PLOD2: variants seen among roughly 807,000 people sequenced by gnomAD.
The protein encoded by PLOD2 is lysine hydroxylase 2.
Under a neutral mutation model 101.0 loss-of-function variants are expected in PLOD2, and 65 were observed. That is an observed-to-expected ratio of 0.64 (90% confidence interval 0.53 to 0.79). The LOEUF (loss-of-function observed/expected upper bound fraction) is 0.79, where lower values mean the gene tolerates loss of function less well. Ranked by LOEUF, PLOD2 falls within the 30% of genes least tolerant of loss-of-function variation. The pLI is 0.00. For synonymous variants in PLOD2, 314 were observed against 302.9 expected (o/e 1.04, Z -0.38); for missense variants, 909 against 914.6 (o/e 0.99, Z 0.08).
intron 3 of PLOD2, among the ~76,000 whole-genome samples, chr3:146,112,315 G>C (rs1231229445): frequency 6.6e-6 from 1 of 152,138 alleles, no homozygotes; most frequent in Non-Finnish European, 1.5e-5. Context: ...ATACTATTCA[G>C]CCATAAAAAG....
chr3:146,135,202 G>C (rs2031163076), intron 1 of PLOD2, among the ~76,000 whole-genome samples: 1 of 152,076 alleles, frequency 6.6e-6, no homozygotes. Flanking sequence ...AAGTTTTATA[G>C]CATCAGTTTT....
intron 7 of PLOD2, among the ~76,000 whole-genome samples, chr3:146,099,983 C>T (rs188689121): frequency 6.0e-5 from 9 of 149,574 alleles, no homozygotes; most frequent in African/African-American, 2.2e-4. Flanking sequence ...CGGGTTGAAG[C>T]GATTCTCCTG....
chr3:146,106,775 G>C (rs1937541717), intron 4 of PLOD2, 131 bp from the exon 5 acceptor site: 3 of 701,886 alleles, frequency 4.3e-6, no homozygotes, highest in Non-Finnish European at 2.6e-6. Flanking sequence ...GAATTTCACA[G>C]CTCACCATGA....
chr3:146,128,286 C>T (rs73148972), intron 1 of PLOD2, among the ~76,000 whole-genome samples: 5,196 of 152,188 alleles, frequency 0.034, 126 homozygotes, highest in Non-Finnish European at 0.054. Flanking sequence ...AAAGCTATCT[C>T]ATTTTCTTCG....
intron 9 of PLOD2, among the ~76,000 whole-genome samples, chr3:146,087,754 C>A (rs1188571737): frequency 4.0e-5 from 6 of 151,742 alleles, no homozygotes; most frequent in African/African-American, 1.4e-4. Context: ...AAACAAAAGA[C>A]AATACATAAA....
chr3:146,142,298 T>A (rs1699851263), intron 1 of PLOD2, among the ~76,000 whole-genome samples: 3 of 152,122 alleles, frequency 2.0e-5, no homozygotes, highest in Non-Finnish European at 4.4e-5. Flanking sequence ...TTTTCTTTTT[T>A]AATAGAAATT....
In PLOD2 at chr3:146,088,731, TA is replaced by T. The variant is rs775156239; in HGVS notation, c.880-21del. 8 of 1,579,948 alleles carry T rather than the reference TA, an allele frequency of 5.1e-6. No homozygotes were observed. The highest frequency in any genetic ancestry group is 7.0e-6 in the Non-Finnish European group (8 of 1,150,712). ...ATGGACCTTTGTTTTACACCAAACA[TA>T]AAAATAAAATTATCATTAGTATGGT... is the stretch of plus-strand genomic sequence containing the variant. On this transcript the variant is annotated intron_variant, in intron 8 of 19. Coordinates refer to ENST00000282903, the MANE Select transcript of PLOD2 (RefSeq NM_182943.3).
At chr3:146,134,912 C>T (rs1383062010) in intron 1 of PLOD2, among the ~76,000 whole-genome samples, 1 of 152,020 alleles carries the variant, frequency 6.6e-6, no homozygotes, top group Non-Finnish European at 1.5e-5. Flanking sequence ...TACAAGTCTG[C>T]CGAAATTAAA....
intron 7 of PLOD2, among the ~76,000 whole-genome samples, chr3:146,099,005 A>G (rs1369180063): frequency 6.6e-6 from 1 of 152,150 alleles, no homozygotes; most frequent in Non-Finnish European, 1.5e-5. Context: ...ATGTTTACAT[A>G]TTCAAATTTT....
At chr3:146,155,329 A>AAATT (rs575679913) in intron 1 of PLOD2, among the ~76,000 whole-genome samples, 29,738 of 150,556 alleles carry the variant, frequency 0.2, 3,020 homozygotes, top group Admixed American at 0.21. Context: ...GTCTATAAAT[A>AAATT]AATTAATTAA....
At position 146,161,007 on chromosome 3, in the gene PLOD2, C is replaced by G. The variant is rs1392037481; in HGVS notation, c.-18G>C. The G allele has an allele frequency of 1.4e-5, 22 of 1,522,750 alleles. No individual in the cohort carries two copies. The highest frequency in any genetic ancestry group is 2.0e-5 in the Non-Finnish European group (22 of 1,119,446). The allele number at this position is 1,522,750 out of a possible 1,614,324, so 94.3% of individuals were successfully genotyped here. ...CCCCCCATATTCGGCCCTCGAGGGC[C>G]GCGCGGGCTCAGGCGCCCACGGCCC... On this transcript the variant is annotated 5_prime_UTR_variant, in exon 1 of 20. Coordinates refer to ENST00000282903, the MANE Select transcript of PLOD2 (RefSeq NM_182943.3).
intron 1 of PLOD2, among the ~76,000 whole-genome samples, chr3:146,160,337 C>T (rs1457294996): frequency 2.0e-5 from 3 of 152,170 alleles, no homozygotes. Context: ...AGAAAGCTGC[C>T]GCCTGGAGGT....
chr3:146,143,272 G>T (rs1383357432), intron 1 of PLOD2, among the ~76,000 whole-genome samples: 2 of 150,676 alleles, frequency 1.3e-5, no homozygotes, highest in Non-Finnish European at 1.5e-5. Flanking sequence ...AGTAACTCGT[G>T]TTTACAATCT....
At chr3:146,121,758 T>C (rs904617386) in intron 2 of PLOD2, among the ~76,000 whole-genome samples, 1 of 152,204 alleles carries the variant, frequency 6.6e-6, no homozygotes, top group Non-Finnish European at 1.5e-5. Context: ...CTTAAACTTA[T>C]GTAATTGTCT....
In PLOD2 at chr3:146,077,931, T is replaced by A. The variant is rs1345927891; in HGVS notation, c.1501-7A>T. 1.9e-6 allele frequency: 3 copies of A among 1,566,760 alleles called. No individual in the cohort carries two copies. The highest frequency in any genetic ancestry group is 2.6e-6 in the Non-Finnish European group (3 of 1,137,328). On this transcript the variant is annotated splice_polypyrimidine_tract_variant and splice_region_variant and intron_variant, in intron 13 of 19. Transcript: ENST00000282903. Reference sequence around the variant, plus strand: ...CTTTTTCCCTTTGTAAAGTCTAAAATGAAGAGAAGCATTGGGTAAGTTGAC... The same window carrying A: ...CTTTTTCCCTTTGTAAAGTCTAAAAAGAAGAGAAGCATTGGGTAAGTTGAC...
intron 8 of PLOD2, among the ~76,000 whole-genome samples, chr3:146,089,302 TTTGG>T (rs1936895259): frequency 1.3e-5 from 2 of 151,540 alleles, no homozygotes; most frequent in Admixed American, 6.6e-5. Flanking sequence ...TTAGATATGT[TTTGG>T]TGTGGAGTTT....
chr3:146,095,363 A>G (rs1196772878), intron 7 of PLOD2, among the ~76,000 whole-genome samples: 1 of 144 alleles, frequency 6.9e-3, no homozygotes, highest in African/African-American at 8.6e-3. Flanking sequence ...ATTTACAAGA[A>G]AAAAAAAAAA....
intron 1 of PLOD2, among the ~76,000 whole-genome samples, chr3:146,151,475 CAAG>C (rs760968218): frequency 6.6e-6 from 1 of 150,696 alleles, no homozygotes; most frequent in East Asian, 1.9e-4. Context: ...CCAGCCTGGA[CAAG>C]AAGAACGAAA....
At chr3:146,146,890 T>C (rs925796347) in intron 1 of PLOD2, among the ~76,000 whole-genome samples, 1 of 152,156 alleles carries the variant, frequency 6.6e-6, no homozygotes, top group African/African-American at 2.4e-5. Flanking sequence ...CTAAAATGGG[T>C]TCTTCGTTTG....
Sources: gnomAD v4.1 joint callset for allele counts (sites outside exome capture counted in the v4.1 genomes callset) on GRCh38, gnomAD v4.1.1 for gene constraint, MANE v1.5 for transcripts, NCBI Gene and HGNC (gene_info 2026-07-23, HGNC 2026-07-21) for gene names.